IFNG: variants seen among roughly 807,000 people sequenced by gnomAD.
The protein encoded by IFNG is IFN-gamma.
A neutral mutation model predicts 14.4 loss-of-function variants in IFNG; 8 were observed. The observed-to-expected ratio is 0.56, with a 90% CI of 0.33 to 1.00. The LOEUF (loss-of-function observed/expected upper bound fraction) is 1.00. Among genes scored for constraint, IFNG ranks in the 50% least tolerant of loss-of-function variants. IFNG has a pLI of 0.03. For synonymous variants in IFNG, 73 were observed against 65.4 expected (o/e 1.12, Z -0.56); for missense variants, 132 against 194.9 (o/e 0.68, Z 1.92).
intron 1 of IFNG, 103 bp from the exon 2 acceptor site, chr12:68,158,362 T>C: frequency 3.9e-6 from 3 of 774,710 alleles, no homozygotes; most frequent in Non-Finnish European, 6.1e-6. Flanking sequence ...TATTCACTGA[T>C]TTCCTTTTCA....
At chr12:68,156,378 A>G (rs1229495666) in intron 3 of IFNG, among the ~76,000 whole-genome samples, 1 of 152,198 alleles carries the variant, frequency 6.6e-6, no homozygotes, top group East Asian at 1.9e-4. Context: ...ATGATGCTTC[A>G]TAAAATGTGG....
At position 68,159,547 on chromosome 12, in the gene IFNG, G is replaced by T. The variant is rs1325493656; in HGVS notation, c.69C>A (p.Cys23Ter). The change falls in exon 1 of 4, where the codon TGC (cysteine) becomes TGA (stop). Residue 23 changes from cysteine to a stop codon, truncating the protein, a stop_gained. Transcript: ENST00000229135. LOFTEE classifies it high-confidence loss of function. ...CIVLGSLGCY[C>*]QDPYVKEAEN... ...CTGCTTCTTTTACATATGGGTCCTG[G>T]CAGTAACAGCCAAGAGAACCCAAAA... is the stretch of plus-strand genomic sequence containing the variant. 6.2e-7 allele frequency: 1 copy of T among 1,604,224 alleles called. No individual in the cohort carries two copies. The highest frequency in any genetic ancestry group is 8.5e-7 in the Non-Finnish European group (1 of 1,173,182).
intron 3 of IFNG, among the ~76,000 whole-genome samples, chr12:68,157,466 T>A (rs1020606554): frequency 6.6e-6 from 1 of 152,188 alleles, no homozygotes; most frequent in Non-Finnish European, 1.5e-5. Flanking sequence ...GCCAGCCATG[T>A]GATTCATCAC....
At chr12:68,157,147 G>A (rs1376658810) in intron 3 of IFNG, among the ~76,000 whole-genome samples, 1 of 152,178 alleles carries the variant, frequency 6.6e-6, no homozygotes, top group East Asian at 1.9e-4. Flanking sequence ...GAGTTCTCCA[G>A]CTGAGATATT....
chr12:68,158,742 T>TGTGA (rs2234688), intron 1 of IFNG, among the ~76,000 whole-genome samples: 4 of 151,366 alleles, frequency 2.6e-5, no homozygotes, highest in Admixed American at 6.6e-5. Context: ...TGTGTGTGTG[T>TGTGA]GATTTGATTT....
chr12:68,159,383 TA>T (rs1882652084), intron 1 of IFNG, 118 bp downstream of exon 1: 1 of 582,078 alleles, frequency 1.7e-6, no homozygotes, highest in African/African-American at 1.9e-5. Context: ...ATTAACAAAA[TA>T]ACACCAAATC....
chr12:68,157,416 G>T (rs1861493), intron 3 of IFNG, among the ~76,000 whole-genome samples: 3 of 151,948 alleles, frequency 2.0e-5, no homozygotes, highest in Admixed American at 2.0e-4. Flanking sequence ...TATACAGTGA[G>T]CCTAACAGTT....
At chr12:68,159,366 G>C (rs1882651725) in intron 1 of IFNG, 136 bp downstream of exon 1, 1 of 573,250 alleles carries the variant, frequency 1.7e-6, no homozygotes, top group Non-Finnish European at 3.2e-6. Flanking sequence ...AACTCATCTA[G>C]TCAATAATTA....
intron 3 of IFNG, among the ~76,000 whole-genome samples, chr12:68,157,400 C>T (rs905632189): frequency 6.6e-6 from 1 of 152,134 alleles, no homozygotes; most frequent in African/African-American, 2.4e-5. Context: ...AGAAGGTCAT[C>T]AAACTTATAC....
rs980778378 is a variant in IFNG, at chr12:68,154,785, T to C, written c.*568A>G. 1.3e-5 allele frequency: 2 copies of C among 152,780 alleles called. No homozygotes were observed. The highest frequency in any genetic ancestry group is 2.4e-5 in the African/African-American group (1 of 41,472). 9.5% of individuals were successfully genotyped at this position (152,780 alleles called of 1,614,324 possible). A position where few individuals can be genotyped will look rare whatever the true frequency, so the allele number is the denominator to read the frequency against. On this transcript the variant is annotated 3_prime_UTR_variant, in exon 4 of 4. Coordinates refer to ENST00000229135, the MANE Select transcript of IFNG (RefSeq NM_000619.3). ...AGCATAAGTAGTTGTGAACTTACACTTTATTCATATATATTAGATATTGAT... is the reference window on the plus strand; with the variant it reads ...AGCATAAGTAGTTGTGAACTTACACCTTATTCATATATATTAGATATTGAT...
At position 68,158,279 on chromosome 12, in the gene IFNG, A is replaced by G. The variant is rs752802749; in HGVS notation, c.115-20T>C. On this transcript the variant is annotated intron_variant, in intron 1 of 3. Transcript: ENST00000229135. ...TGCATTCTAAAAAAAAAAAAAGAAA[A>G]AATTGGTTTACAATTAGCCCATAAA... The G allele has an allele frequency of 6.4e-7, 1 of 1,556,912 alleles. No individual in the cohort carries two copies. The highest frequency in any genetic ancestry group is 8.7e-7 in the Non-Finnish European group (1 of 1,149,828).
intron 3 of IFNG, 94 bp from the exon 4 acceptor site, chr12:68,155,581 T>A: frequency 4.9e-6 from 6 of 1,212,648 alleles, no homozygotes; most frequent in Non-Finnish European, 6.8e-6. Flanking sequence ...ATAAAAGTAT[T>A]CCTTTAAAAA....
Position 68,158,010 on chromosome 12 carries a change from T to C in IFNG, c.269A>G (p.Gln90Arg), listed in dbSNP as rs1162378322. 8 of 1,611,686 alleles carry C rather than the reference T, an allele frequency of 5.0e-6. No individual in the cohort carries two copies. Among genetic ancestry groups the C allele is most frequent in the Non-Finnish European group, 6.8e-6 (8 of 1,178,356 alleles). The change falls in exon 3 of 4, where the codon CAA (glutamine) becomes CGA (arginine). Residue 90 changes from glutamine to arginine, a missense_variant. Coordinates refer to ENST00000229135, the MANE Select transcript of IFNG (RefSeq NM_000619.3). ...TTCCTTGATGGTCTCCACACTCTTT[T>C]GGATGCTCTGGTCATCTTTAAAGTT... ...FKNFKDDQSI[Q>R]KSVETIKEDM... is the part of the protein sequence containing the mutation.
chr12:68,158,442 T>C (rs958238611), intron 1 of IFNG, among the ~76,000 whole-genome samples, 183 bp from the exon 2 acceptor site: 1 of 152,234 alleles, frequency 6.6e-6, no homozygotes, highest in East Asian at 1.9e-4. Context: ...AAGACTATTA[T>C]GTTCTTTTAG....
chr12:68,158,659 C>A (rs1882639257), intron 1 of IFNG, among the ~76,000 whole-genome samples: 1 of 151,732 alleles, frequency 6.6e-6, no homozygotes, highest in African/African-American at 2.4e-5. Flanking sequence ...ATCTACTGTG[C>A]CTTCCTGTAG....
At chr12:68,159,454 T>A (rs376346793) in intron 1 of IFNG, 48 bp downstream of exon 1, 152 of 846,652 alleles carry the variant, frequency 1.8e-4, no homozygotes, top group Non-Finnish European at 1.1e-4. Context: ...AAGTCGATAT[T>A]CAGTCATTTT....
chr12:68,157,972 T>C lies in IFNG; in HGVS notation c.307A>G (p.Lys103Glu), dbSNP rs746486099. Residue 103 changes from lysine (K) to glutamate (E), a missense_variant, in exon 3 of 4, where the codon AAG (lysine) becomes GAG (glutamate). Transcript: ENST00000229135. ...TTCTTTTTGTTGCTATTGAAAAACT[T>C]GACATTCATGTCTTCCTTGATGGTC... ...VETIKEDMNV[K>E]FFNSNKKKRD... The C allele has an allele frequency of 1.2e-6, 2 of 1,609,034 alleles. No homozygotes were observed. Among genetic ancestry groups the C allele is most frequent in the South Asian group, 1.1e-5 (1 of 89,948 alleles).
In IFNG at chr12:68,158,253, C is replaced by G. The variant is rs762786646; in HGVS notation, c.121G>C (p.Gly41Arg). The change falls in exon 2 of 4, where the codon GGT becomes CGT. Residue 41 changes from glycine to arginine, a missense_variant. Coordinates refer to ENST00000229135, the MANE Select transcript of IFNG (RefSeq NM_000619.3). ...CCATTATCCGCTACATCTGAATGAC[C>G]TGCATTCTAAAAAAAAAAAAAGAAA... is the stretch of plus-strand genomic sequence containing the variant. ...AENLKKYFNA[G>R]HSDVADNGTL... 2 of 1,550,108 alleles carry G rather than the reference C, an allele frequency of 1.3e-6. No individual in the cohort carries two copies. Among genetic ancestry groups the G allele is most frequent in the Non-Finnish European group, 1.7e-6 (2 of 1,159,596 alleles).
Position 68,155,427 on chromosome 12 carries a change from G to A in IFNG, c.427C>T (p.Leu143=), listed in dbSNP as rs371125972. 4 of 1,612,246 alleles carry A rather than the reference G, an allele frequency of 2.5e-6. No individual in the cohort carries two copies. Among genetic ancestry groups the A allele is most frequent in the Non-Finnish European group, 3.4e-6 (4 of 1,179,016 alleles). The part of the protein sequence containing the change: ...IHELIQVMAE[L]SPAAKTGKRK... The stretch of plus-strand genomic sequence containing the variant: ...TTCCCTGTTTTAGCTGCTGGCGACA[G>A]TTCAGCCATCACTTGGATGAGTTCA... The change falls in exon 4 of 4, where the codon CTG becomes TTG. Residue 143 remains leucine (L), a synonymous_variant. Transcript: ENST00000229135.
Sources: gnomAD v4.1 joint callset for allele counts (sites outside exome capture counted in the v4.1 genomes callset) on GRCh38, gnomAD v4.1.1 for gene constraint, MANE v1.5 for transcripts, NCBI Gene and HGNC (gene_info 2026-07-23, HGNC 2026-07-21) for gene names.